The following FKBP9 variants were observed in gnomAD, a reference collection of about 807,000 sequenced individuals.
FKBP9 encodes FKBP prolyl isomerase 9, also known as peptidyl-prolyl cis-trans isomerase FKBP9.
A neutral mutation model predicts 55.6 loss-of-function variants in FKBP9; 27 were observed. The ratio of observed to expected loss-of-function variants is 0.49; its 90% CI spans 0.36 to 0.67. The LOEUF (loss-of-function observed/expected upper bound fraction) is 0.67. FKBP9 is among the 30% of genes least tolerant of loss of function. The probability of loss-of-function intolerance (pLI) is 0.00; values close to 1 mark genes in which losing one functional copy is unlikely to be tolerated. For synonymous variants in FKBP9, 267 were observed against 296.5 expected (o/e 0.90, Z 1.02); for missense variants, 539 against 742.8 (o/e 0.73, Z 3.19).
chr7:32,995,979 A>G (rs1259017889), intron 6 of FKBP9, among the ~76,000 whole-genome samples, 184 bp from the exon 7 acceptor site: 1 of 152,176 alleles, frequency 6.6e-6, no homozygotes, highest in African/African-American at 2.4e-5. Flanking sequence ...CACCTGTAAA[A>G]TGAGGATGAG....
intron 5 of FKBP9, 147 bp from the exon 6 acceptor site, chr7:32,988,360 C>T (rs1384625103): frequency 1.4e-6 from 1 of 730,806 alleles, no homozygotes; most frequent in East Asian, 2.6e-5. Context: ...GAGCATGTTT[C>T]CTGGCTGTGT....
chr7:32,998,278 C>T (rs2127988696), intron 7 of FKBP9, among the ~76,000 whole-genome samples: 2 of 152,198 alleles, frequency 1.3e-5, no homozygotes, highest in South Asian at 4.1e-4. Flanking sequence ...TCCGTGGCTG[C>T]TGTCACTGCT....
chr7:33,005,710 G>A lies in FKBP9; in HGVS notation c.*359G>A. On this transcript the variant is annotated 3_prime_UTR_variant, in exon 10 of 10. Transcript: ENST00000242209. ...CATCTTGGAGGAACCATAAGAAAAGGTGTCCAGGGTATCTATATAAAGAGG... is the reference window on the plus strand; with the variant it reads ...CATCTTGGAGGAACCATAAGAAAAGATGTCCAGGGTATCTATATAAAGAGG... 1 of 252,522 alleles carries A rather than the reference G, an allele frequency of 4.0e-6. No individual in the cohort carries two copies. The highest frequency in any genetic ancestry group is 7.7e-6 in the Non-Finnish European group (1 of 130,466). The allele number at this position is 252,522 out of a possible 1,614,324, so 15.6% of individuals were successfully genotyped here.
intron 6 of FKBP9, among the ~76,000 whole-genome samples, chr7:32,991,941 TG>T (rs1236710390): frequency 6.6e-6 from 1 of 152,008 alleles, no homozygotes; most frequent in Non-Finnish European, 1.5e-5. Flanking sequence ...CATTCAAACC[TG>T]GAAACAGTCT....
chr7:32,984,978 G>C (rs1450876319), intron 5 of FKBP9, among the ~76,000 whole-genome samples: 5 of 152,020 alleles, frequency 3.3e-5, no homozygotes, highest in African/African-American at 7.3e-5. Context: ...ACTAGTGTTA[G>C]CTTTTTAATT....
chr7:32,961,398 A>G lies in FKBP9; in HGVS notation c.221+3604A>G, dbSNP rs374561018. On this transcript the variant is annotated intron_variant, in intron 1 of 9. Transcript: ENST00000242209. ...TAGAGAGCTTGTTATACAGTTTCCG[A>G]TTCAGTAGCTCTGGGATAGGGCCTA... is the stretch of plus-strand genomic sequence containing the variant. Among the ~76,000 whole-genome samples, 92 of 152,334 alleles carry G rather than the reference A, an allele frequency of 6.0e-4. 1 individual carries two copies. The South Asian group carries it at 0.019, about 31-fold the overall frequency.
At chr7:32,990,282 C>T (rs1784655341) in intron 6 of FKBP9, among the ~76,000 whole-genome samples, 1 of 152,170 alleles carries the variant, frequency 6.6e-6, no homozygotes, top group African/African-American at 2.4e-5. Flanking sequence ...AAGTGCTAAA[C>T]TGCTGACTTA....
In FKBP9 at chr7:32,975,179, T is replaced by C. The variant is rs372170044; in HGVS notation, c.368-3T>C. 9 of 1,611,496 alleles carry C rather than the reference T, an allele frequency of 5.6e-6. No homozygotes were observed. The African/African-American group carries it at 1.2e-4, about 22-fold the overall frequency. ...AACTCAGTGTGTAATCTTTAATTTC[T>C]AGCTGGTGTGATCCCCCCCAATTCA... On this transcript the variant is annotated splice_polypyrimidine_tract_variant and splice_region_variant and intron_variant, in intron 2 of 9. Coordinates refer to ENST00000242209, the MANE Select transcript of FKBP9 (RefSeq NM_007270.5).
chr7:32,964,882 C>T (rs894111544), intron 1 of FKBP9, among the ~76,000 whole-genome samples: 15 of 152,184 alleles, frequency 9.9e-5, no homozygotes, highest in Non-Finnish European at 1.0e-4. Flanking sequence ...TGAAACTCAG[C>T]CAGCAGAGGG....
chr7:32,979,636 G>A, intron 4 of FKBP9: 1 of 1,265,290 alleles, frequency 7.9e-7, no homozygotes, highest in Middle Eastern at 1.8e-4. Flanking sequence ...CCAAATTACT[G>A]GATTTTGAGT....
In FKBP9 at chr7:32,977,924, C is replaced by CT. The variant is rs1226725947; in HGVS notation, c.703+1440dup. On this transcript the variant is annotated intron_variant, in intron 4 of 9. Coordinates refer to ENST00000242209, the MANE Select transcript of FKBP9 (RefSeq NM_007270.5). ...ATATATATACTCATATATATATACA[C>CT]TTTTTTTTTTTTTTTGAGACAGAGT... 6.6e-3 allele frequency among the ~76,000 whole-genome samples: 824 copies of CT among 124,884 alleles called. 16 individuals are homozygous for CT. Among genetic ancestry groups the CT allele is most frequent in the African/African-American group, 0.02 (650 of 32,042 alleles). 81.9% of individuals were successfully genotyped at this position (124,884 alleles called of 152,430 possible).
At chr7:32,984,209 A>G (rs529148981) in intron 5 of FKBP9, among the ~76,000 whole-genome samples, 12 of 151,308 alleles carry the variant, frequency 7.9e-5, no homozygotes, top group Middle Eastern at 6.9e-3. Context: ...GATATTCTTT[A>G]TTAGAATTTT....
intron 4 of FKBP9, among the ~76,000 whole-genome samples, chr7:32,977,834 T>G (rs1583852278): frequency 7.0e-6 from 1 of 143,126 alleles, no homozygotes; most frequent in East Asian, 2.0e-4. Context: ...TACACGCCCA[T>G]ATATATATAT....
chr7:32,974,511 G>A, intron 1 of FKBP9, 106 bp from the exon 2 acceptor site: 1 of 945,110 alleles, frequency 1.1e-6, no homozygotes, highest in Non-Finnish European at 1.6e-6. Flanking sequence ...TTTTTGCTTT[G>A]CTATGGCCCC....
chr7:32,965,847 G>GTACACATATATATATATATATATA (rs1323725996), intron 1 of FKBP9, among the ~76,000 whole-genome samples: 3 of 34,904 alleles, frequency 8.6e-5, no homozygotes, highest in Admixed American at 3.0e-4. Context: ...ATATATATGT[G>GTACACATATATATATATATATATA]TGTACAGATA....
rs565365373 is a variant in FKBP9 at position 33,006,482 on chromosome 7, T to G, written c.*1131T>G. On this transcript the variant is annotated 3_prime_UTR_variant, in exon 10 of 10. Coordinates refer to ENST00000242209, the MANE Select transcript of FKBP9 (RefSeq NM_007270.5). The stretch of plus-strand genomic sequence containing the variant: ...TCTTTTTTATCTTCCCTGAACCATA[T>G]TGATGAGATAAATAGGGCTGGGGGC... The G allele has an allele frequency of 2.1e-4, 42 of 202,042 alleles. No homozygotes were observed. The highest frequency in any genetic ancestry group is 9.4e-4 in the African/African-American group (41 of 43,604). 12.5% of individuals were successfully genotyped at this position (202,042 alleles called of 1,614,324 possible). A position where few individuals can be genotyped will look rare whatever the true frequency, so the allele number is the denominator to read the frequency against.
intron 6 of FKBP9, among the ~76,000 whole-genome samples, chr7:32,991,256 C>G (rs1028201229): frequency 4.6e-5 from 7 of 151,920 alleles, no homozygotes; most frequent in African/African-American, 1.5e-4. Context: ...TTATATAAGC[C>G]TCTGGGAAGC....
At chr7:32,963,413 G>T (rs1378773830) in intron 1 of FKBP9, 11 of 399,934 alleles carry the variant, frequency 2.8e-5, no homozygotes, top group Middle Eastern at 5.7e-4. Context: ...TGAAGGGAAG[G>T]TTTTTGTTCA....
chr7:32,984,093 C>T (rs1784532270), intron 5 of FKBP9, among the ~76,000 whole-genome samples: 1 of 152,068 alleles, frequency 6.6e-6, no homozygotes, highest in African/African-American at 2.4e-5. Flanking sequence ...CATTATGGTT[C>T]CTGTCTTTGG....
Sources: gnomAD v4.1 joint callset for allele counts (sites outside exome capture counted in the v4.1 genomes callset) on GRCh38, gnomAD v4.1.1 for gene constraint, MANE v1.5 for transcripts, NCBI Gene and HGNC (gene_info 2026-07-23, HGNC 2026-07-21) for gene names.